Variants in PDE9A observed in about 807,000 individuals in gnomAD.
PDE9A encodes the protein high affinity cGMP-specific 3',5'-cyclic phosphodiesterase 9A.
Under a neutral mutation model 87.4 loss-of-function variants are expected in PDE9A, and 60 were observed. The observed-to-expected ratio is 0.69, with a 90% CI of 0.56 to 0.85. The LOEUF (loss-of-function observed/expected upper bound fraction) is 0.85, where lower values mean the gene tolerates loss of function less well. Ranked by LOEUF, PDE9A falls within the 40% of genes least tolerant of loss-of-function variation. The pLI is 0.00. For synonymous variants in PDE9A, 272 were observed against 279.4 expected, an observed-to-expected ratio of 0.97 and a Z score of 0.27; for missense variants, 665 against 779.0, an observed-to-expected ratio of 0.85 and a Z score of 1.74.
intron 1 of PDE9A, among the ~76,000 whole-genome samples, chr21:42,670,186 T>TAC (rs1156716983): frequency 7.2e-6 from 1 of 138,002 alleles, no homozygotes; most frequent in South Asian, 2.4e-4. Flanking sequence ...CACATACACT[T>TAC]ACACACATTC....
chr21:42,675,715 T>C lies in PDE9A; in HGVS notation c.70-10477T>C, dbSNP rs571520423. Among the ~76,000 whole-genome samples, 1 of 152,298 alleles carries C rather than the reference T, an allele frequency of 6.6e-6. No homozygotes were observed. Among genetic ancestry groups the C allele is most frequent in the African/African-American group, 2.4e-5 (1 of 41,558 alleles). On this transcript the variant is annotated intron_variant, in intron 1 of 19. Coordinates refer to ENST00000291539, the MANE Select transcript of PDE9A (RefSeq NM_002606.3). This position sits in a 1 kb window ranked among gnomAD's most constrained non-coding sequence, Gnocchi z 4.3. ...ATAAGAAAGACAACGGAGAGATCTG[T>C]GTACCCTCCACCCAGTCTCCCCTAC... is the stretch of plus-strand genomic sequence containing the variant.
intron 1 of PDE9A, among the ~76,000 whole-genome samples, chr21:42,677,316 A>G (rs540668738): frequency 1.3e-5 from 2 of 152,400 alleles, no homozygotes; most frequent in East Asian, 3.9e-4. Flanking sequence ...ACATAATTGC[A>G]TGTTTTACAA....
chr21:42,720,378 C>T (rs147430669), intron 4 of PDE9A, among the ~76,000 whole-genome samples: 4,342 of 152,200 alleles, frequency 0.029, 219 homozygotes, highest in African/African-American at 0.099. Flanking sequence ...CCTGTAATCC[C>T]AGCTACTCGG....
intron 19 of PDE9A, 102 bp downstream of exon 19, chr21:42,772,622 T>C: frequency 2.5e-6 from 2 of 816,020 alleles, no homozygotes; most frequent in Non-Finnish European, 3.9e-6. Context: ...TTGGAATACC[T>C]TTAAATGAAT....
chr21:42,769,558 GCACA>G (rs56998221), intron 17 of PDE9A, among the ~76,000 whole-genome samples: 2,138 of 130,176 alleles, frequency 0.016, 42 homozygotes, highest in African/African-American at 0.048. Flanking sequence ...GCACACACAG[GCACA>G]CACACACACA....
At chr21:42,670,184 C>CACACACA (rs796577584) in intron 1 of PDE9A, among the ~76,000 whole-genome samples, 1 of 141,958 alleles carries the variant, frequency 7.0e-6, no homozygotes, top group African/African-American at 2.6e-5. Context: ...CACACATACA[C>CACACACA]TTACACACAT....
intron 9 of PDE9A, 67 bp from the exon 10 acceptor site, chr21:42,753,923 C>T (rs1417201684): frequency 2.7e-6 from 2 of 747,972 alleles, no homozygotes; most frequent in East Asian, 5.3e-5. Context: ...GGAGAAATAT[C>T]TCAGCATGCA....
chr21:42,756,952 A>G (rs905669565), intron 10 of PDE9A: 2 of 152,402 alleles, frequency 1.3e-5, no homozygotes, highest in African/African-American at 4.8e-5. Context: ...CAGCAGACGC[A>G]TCTGCCTTTC....
intron 4 of PDE9A, among the ~76,000 whole-genome samples, chr21:42,699,554 C>CTT (rs200609471): frequency 2.7e-5 from 2 of 75,404 alleles, no homozygotes; most frequent in Admixed American, 1.1e-4. Context: ...TTTTCTTTTT[C>CTT]TTTTTTTTTT....
In PDE9A at chr21:42,732,093, G is replaced by C; in HGVS notation, c.466G>C (p.Val156Leu). ...PPEREELIQS[V>L]LAQVAEQFSR... ...AGAGAGAGAAGAATTAATCCAGAGC[G>C]TGCTGGCGCAGGTTGCAGAGCAGTT... The change falls in exon 6 of 20, where the codon GTG (valine) becomes CTG (leucine). Residue 156 changes from valine (V) to leucine (L), a missense_variant. Val to Leu is a conservative substitution (Grantham distance 32). Transcript: ENST00000291539. 6.2e-7 allele frequency: 1 copy of C among 1,614,214 alleles called. No individual in the cohort carries two copies.
Position 42,692,890 on chromosome 21 carries a change from C to T in PDE9A, c.218+4896C>T, listed in dbSNP as rs148964022. On this transcript the variant is annotated intron_variant, in intron 3 of 19. Transcript: ENST00000291539. This position sits in a 1 kb window ranked among gnomAD's most constrained non-coding sequence, Gnocchi z 4.3. ...CCTCGCACTCTTCCTGCACCGGAGC[C>T]GCGGTGCGAGGCCTCGGGAATGCTC... Among the ~76,000 whole-genome samples the T allele has an allele frequency of 1.2e-4, 18 of 152,310 alleles. No homozygotes were observed. The East Asian group carries it at 2.7e-3, about 23-fold the overall frequency.
In PDE9A at chr21:42,659,804, G is replaced by A. The variant is rs1199570953; in HGVS notation, c.69+5921G>A. 6.6e-6 allele frequency among the ~76,000 whole-genome samples: 1 copy of A among 152,252 alleles called. No individual in the cohort carries two copies. Among genetic ancestry groups the A allele is most frequent in the Non-Finnish European group, 1.5e-5 (1 of 68,048 alleles). Reference sequence around the variant, plus strand: ...CCAGCCAGCCTCTCCGGAGCTCAGTGTGGGTGGAGGGGCTGTCTGGCCTCA... The same window carrying A: ...CCAGCCAGCCTCTCCGGAGCTCAGTATGGGTGGAGGGGCTGTCTGGCCTCA... On this transcript the variant is annotated intron_variant, in intron 1 of 19. Transcript: ENST00000291539. This position sits in a 1 kb window ranked among gnomAD's most constrained non-coding sequence, Gnocchi z 4.1.
At chr21:42,670,262 C>T (rs2058379973) in intron 1 of PDE9A, among the ~76,000 whole-genome samples, 5 of 145,150 alleles carry the variant, frequency 3.4e-5, no homozygotes, top group South Asian at 2.2e-4. Context: ...CATACATTCA[C>T]ACACATATTC....
intron 1 of PDE9A, among the ~76,000 whole-genome samples, chr21:42,666,680 C>T (rs966520049): frequency 1.3e-5 from 2 of 152,204 alleles, no homozygotes; most frequent in African/African-American, 2.4e-5. Context: ...CTCTGCATGT[C>T]TGTGTCCTCG....
chr21:42,660,003 G>A lies in PDE9A; in HGVS notation c.69+6120G>A, dbSNP rs1015680090. Among the ~76,000 whole-genome samples the A allele has an allele frequency of 8.5e-5, 13 of 152,346 alleles. No homozygotes were observed. Among genetic ancestry groups the A allele is most frequent in the African/African-American group, 2.6e-4 (11 of 41,586 alleles). On this transcript the variant is annotated intron_variant, in intron 1 of 19. Transcript: ENST00000291539. This position sits in a 1 kb window ranked among gnomAD's most constrained non-coding sequence, Gnocchi z 4.7. ...ACTGGGACACCTCGGGGCATAAGCC[G>A]GGCAGGGAGGCGGCAGGAACTGGGC...
Position 42,686,153 on chromosome 21 carries a change from C to T in PDE9A, c.70-39C>T, listed in dbSNP as rs1244001834. The T allele has an allele frequency of 3.9e-6, 6 of 1,543,778 alleles. No individual in the cohort carries two copies. In the South Asian group the frequency reaches 6.7e-5, roughly 17 times the overall value. Reference sequence around the variant, plus strand: ...CGTCTGACGTCTCCAGGGAGACCCGCCGCCCTCGCTGCCGCCTCACCGCGC... The same window carrying T: ...CGTCTGACGTCTCCAGGGAGACCCGTCGCCCTCGCTGCCGCCTCACCGCGC... On this transcript the variant is annotated intron_variant, in intron 1 of 19. Coordinates refer to ENST00000291539, the MANE Select transcript of PDE9A (RefSeq NM_002606.3).
chr21:42,687,379 A>C (rs1466592693), intron 2 of PDE9A, among the ~76,000 whole-genome samples: 2 of 152,164 alleles, frequency 1.3e-5, no homozygotes, highest in Non-Finnish European at 2.9e-5. Context: ...TTTGAGTATC[A>C]CCTCTATTTC....
Position 42,676,721 on chromosome 21 carries a change from C to T in PDE9A, c.70-9471C>T, listed in dbSNP as rs540352362. On this transcript the variant is annotated intron_variant, in intron 1 of 19. Coordinates refer to ENST00000291539, the MANE Select transcript of PDE9A (RefSeq NM_002606.3). ...TGTGGGGCAGTGCGTCACCTTCTCA[C>T]AATTGTCAACGGGATTGTCACTAGT... Among the ~76,000 whole-genome samples, 3 of 152,334 alleles carry T rather than the reference C, an allele frequency of 2.0e-5. No homozygotes were observed. The East Asian group carries it at 5.8e-4, about 29-fold the overall frequency.
At chr21:42,674,624 C>CGGATTCTGTT (rs1309003719) in intron 1 of PDE9A, among the ~76,000 whole-genome samples, 1 of 152,162 alleles carries the variant, frequency 6.6e-6, no homozygotes, top group Non-Finnish European at 1.5e-5. Flanking sequence ...TCCTCCATGC[C>CGGATTCTGTT]GGATTCTGTT....
Sources: gnomAD v4.1 joint callset for allele counts (sites outside exome capture counted in the v4.1 genomes callset) on GRCh38, gnomAD v4.1.1 for gene constraint, Gnocchi (gnomAD v3.1) non-coding constraint, MANE v1.5 for transcripts, NCBI Gene and HGNC (gene_info 2026-07-23, HGNC 2026-07-21) for gene names.